The following SLC37A1 variants were observed in gnomAD, a reference collection of about 807,000 sequenced individuals.
SLC37A1 encodes glucose-6-phosphate exchanger SLC37A1.
A neutral mutation model predicts 75.3 loss-of-function variants in SLC37A1; 49 were observed. That is an observed-to-expected ratio of 0.65 (90% CI 0.52 to 0.83). The LOEUF (loss-of-function observed/expected upper bound fraction) is 0.83. SLC37A1 is among the 40% of genes least tolerant of loss of function. SLC37A1 has a pLI of 0.00. For missense variants in SLC37A1, 566 were observed against 695.0 expected (o/e 0.81, Z 2.09); for synonymous variants, 268 against 292.1 (o/e 0.92, Z 0.84).
chr21:42,556,454 C>T (rs986642367), intron 10 of SLC37A1, among the ~76,000 whole-genome samples: 2 of 152,206 alleles, frequency 1.3e-5, no homozygotes, highest in African/African-American at 2.4e-5. Context: ...CAGACAGCAT[C>T]GGGTAGCGGG....
At position 42,562,183 on chromosome 21, in the gene SLC37A1, T is replaced by C; in HGVS notation, c.1072+15T>C. On this transcript the variant is annotated intron_variant, in intron 12 of 19. Transcript: ENST00000352133. ...CACGAATGTGGGTGAGTATCCACGC[T>C]AGAACACATTAAATTCCGCACAGTG... is the stretch of plus-strand genomic sequence containing the variant. 6.2e-7 allele frequency: 1 copy of C among 1,610,006 alleles called. No homozygotes were observed.
chr21:42,566,898 C>G, intron 15 of SLC37A1, 87 bp from the exon 16 acceptor site: 1 of 1,391,346 alleles, frequency 7.2e-7, no homozygotes, highest in Non-Finnish European at 9.9e-7. Flanking sequence ...TCCCTGTGCT[C>G]CCCAGGCGCC....
intron 17 of SLC37A1, among the ~76,000 whole-genome samples, chr21:42,574,109 G>T (rs1336652452): frequency 6.6e-6 from 1 of 152,166 alleles, no homozygotes; most frequent in East Asian, 1.9e-4. Context: ...CACACATGCT[G>T]CCCCTTTCCT....
At chr21:42,571,685 A>C (rs1013580703) in intron 17 of SLC37A1, among the ~76,000 whole-genome samples, 12 of 136,564 alleles carry the variant, frequency 8.8e-5, no homozygotes, top group Admixed American at 1.5e-4. Flanking sequence ...GACATTGCCC[A>C]CCCCTCCTCC....
chr21:42,554,132 A>G lies in SLC37A1; in HGVS notation c.839A>G (p.Asn280Ser), dbSNP rs559765596. Residue 280 changes from asparagine (N) to serine (S), a missense_variant, in exon 10 of 20, where the codon AAC becomes AGC. Asn to Ser is a conservative substitution (Grantham distance 46, BLOSUM62 1). Coordinates refer to ENST00000352133, the MANE Select transcript of SLC37A1 (RefSeq NM_001320537.2). ...AAGCAAATCTTGAAGAGCGAAAAGAACAAGCCTCTGGTAAGTCACACACAA... is the reference window on the plus strand; with the variant it reads ...AAGCAAATCTTGAAGAGCGAAAAGAGCAAGCCTCTGGTAAGTCACACACAA... ...LQKQILKSEK[N>S]KPLDPEMQCL... is the part of the protein sequence containing the mutation. The G allele has an allele frequency of 1.4e-5, 22 of 1,613,628 alleles. No homozygotes were observed. In the East Asian group the frequency reaches 3.1e-4, roughly 23 times the overall value.
chr21:42,559,120 A>G (rs1393519432), intron 11 of SLC37A1, 31 bp downstream of exon 11: 2 of 1,601,526 alleles, frequency 1.2e-6, no homozygotes, highest in East Asian at 2.2e-5. Flanking sequence ...GGAGTTTCAG[A>G]AAGGGCTGCT....
chr21:42,540,801 T>C (rs76876756), intron 6 of SLC37A1, among the ~76,000 whole-genome samples: 2,452 of 152,318 alleles, frequency 0.016, 62 homozygotes, highest in African/African-American at 0.056. Context: ...GATTTTGCCA[T>C]AACACTTGAA....
intron 5 of SLC37A1, 109 bp downstream of exon 5, chr21:42,535,659 T>C: frequency 1.1e-6 from 1 of 929,770 alleles, no homozygotes; most frequent in Non-Finnish European, 1.7e-6. Flanking sequence ...AGGCCCCCGC[T>C]TGCCACTGGC....
intron 18 of SLC37A1, among the ~76,000 whole-genome samples, 181 bp from the exon 19 acceptor site, chr21:42,579,555 C>G (rs2056376648): frequency 6.6e-6 from 1 of 152,128 alleles, no homozygotes; most frequent in Admixed American, 6.5e-5. Flanking sequence ...CCACAGGAGC[C>G]CAGGCCTCCG....
intron 15 of SLC37A1, 141 bp from the exon 16 acceptor site, chr21:42,566,844 C>T: frequency 3.9e-6 from 3 of 768,366 alleles, no homozygotes; most frequent in Non-Finnish European, 4.2e-6. Flanking sequence ...TGCTTTAGCT[C>T]CTCACTAGAC....
Position 42,560,880 on chromosome 21 carries a change from A to G in SLC37A1, c.982-1198A>G, listed in dbSNP as rs549988845. On this transcript the variant is annotated intron_variant, in intron 11 of 19. Coordinates refer to ENST00000352133, the MANE Select transcript of SLC37A1 (RefSeq NM_001320537.2). The stretch of plus-strand genomic sequence containing the variant: ...ATACAGGTTTTTATATAGTGGAGGT[A>G]TAGACAGTATGGGCTTCAGAGGTCC... Among the ~76,000 whole-genome samples, 110 of 152,354 alleles carry G rather than the reference A, an allele frequency of 7.2e-4. 1 individual carries two copies. The highest frequency in any genetic ancestry group is 2.6e-3 in the African/African-American group (108 of 41,590).
intron 2 of SLC37A1, among the ~76,000 whole-genome samples, chr21:42,519,256 G>A (rs1456808984): frequency 6.6e-6 from 1 of 152,206 alleles, no homozygotes; most frequent in Non-Finnish European, 1.5e-5. Flanking sequence ...AGAATTCTGG[G>A]CTTATGCACC....
At chr21:42,557,300 G>A (rs1213460868) in intron 10 of SLC37A1, among the ~76,000 whole-genome samples, 1 of 152,262 alleles carries the variant, frequency 6.6e-6, no homozygotes, top group Non-Finnish European at 1.5e-5. Context: ...GCTTCCGTGG[G>A]GCTGGGGGAA....
rs1055828548 is a variant in SLC37A1 at position 42,552,480 on chromosome 21, C to T, written c.769-1582C>T. On this transcript the variant is annotated intron_variant, in intron 9 of 19. Transcript: ENST00000352133. The surrounding 1 kb of genome is among the most constrained non-coding windows in gnomAD (Gnocchi z 4.2). Reference sequence around the variant, plus strand: ...GACTCCTCTTGTCTTTTCGTTCTTCCCCTGTGCATGGCTTCATGCCAAAGG... The same window carrying T: ...GACTCCTCTTGTCTTTTCGTTCTTCTCCTGTGCATGGCTTCATGCCAAAGG... Among the ~76,000 whole-genome samples, 2 of 152,188 alleles carry T rather than the reference C, an allele frequency of 1.3e-5. No homozygotes were observed. The highest frequency in any genetic ancestry group is 6.5e-5 in the Admixed American group (1 of 15,284).
intron 5 of SLC37A1, among the ~76,000 whole-genome samples, chr21:42,538,386 A>G (rs975801956): frequency 3.3e-5 from 5 of 152,212 alleles, no homozygotes; most frequent in African/African-American, 1.2e-4. Flanking sequence ...TCCAAGGTAG[A>G]TCTTTTTTAC....
At chr21:42,544,558 C>G (rs1030685086) in intron 8 of SLC37A1, among the ~76,000 whole-genome samples, 1 of 152,246 alleles carries the variant, frequency 6.6e-6, no homozygotes, top group African/African-American at 2.4e-5. Context: ...AATGTCCAGA[C>G]ACACCCATTG....
chr21:42,577,798 T>C (rs2056339298), intron 18 of SLC37A1, among the ~76,000 whole-genome samples: 2 of 152,296 alleles, frequency 1.3e-5, no homozygotes, highest in South Asian at 2.1e-4. Flanking sequence ...GCACTGGTTA[T>C]TTACAAGAAA....
intron 19 of SLC37A1, 107 bp from the exon 20 acceptor site, chr21:42,580,238 G>A: frequency 3.1e-6 from 4 of 1,310,894 alleles, no homozygotes; most frequent in Non-Finnish European, 4.3e-6. Context: ...TGGGCCGGGA[G>A]GGCAGCTGGC....
In SLC37A1 at chr21:42,570,146, G is replaced by A. The variant is rs112442726; in HGVS notation, c.1423+1708G>A. ...CTGTTGCCATGTGACACACGGCCTG[G>A]TTCTGAGAAGCGGCGGGCAGGGTGG... On this transcript the variant is annotated intron_variant, in intron 17 of 19. Transcript: ENST00000352133. Among the ~76,000 whole-genome samples, 58 of 109,438 alleles carry A rather than the reference G, an allele frequency of 5.3e-4. 4 individuals are homozygous for A. The South Asian group carries it at 5.7e-3, about 11-fold the overall frequency. The allele number at this position is 109,438 out of a possible 152,430, so 71.8% of individuals were successfully genotyped here. A position where few individuals can be genotyped will look rare whatever the true frequency, so the allele number is the denominator to read the frequency against.
Sources: allele counts gnomAD v4.1 joint callset (sites outside exome capture counted in the v4.1 genomes callset), GRCh38; gene constraint gnomAD v4.1.1; non-coding constraint Gnocchi (gnomAD v3.1); transcripts MANE v1.5; gene names NCBI Gene and HGNC (gene_info 2026-07-23, HGNC 2026-07-21).